CUBN: variants seen among roughly 807,000 people sequenced by gnomAD.
CUBN encodes cubilin, also known as 460 kDa receptor.
Under a neutral mutation model 405.3 loss-of-function variants are expected in CUBN, and 282 were observed. The ratio of observed to expected loss-of-function variants is 0.70; its 90% CI spans 0.63 to 0.77. The LOEUF is 0.77. Ranked by LOEUF, CUBN falls within the 30% of genes least tolerant of loss-of-function variation. The pLI, the probability that CUBN is intolerant of heterozygous loss-of-function variation, is 0.00. For missense variants in CUBN, 4,514 were observed against 4,475.2 expected (o/e 1.01, Z -0.25); for synonymous variants, 1,684 against 1,617.0 (o/e 1.04, Z -0.99).
chr10:17,052,523 G>A (rs545712341), intron 22 of CUBN, among the ~76,000 whole-genome samples: 40 of 150,492 alleles, frequency 2.7e-4, no homozygotes, highest in East Asian at 1.2e-3. Context: ...TTGGGAGGCC[G>A]AGGTGGGCAG....
At chr10:17,075,073 C>CTTTTCTTT (rs1564505109) in intron 17 of CUBN, among the ~76,000 whole-genome samples, 1 of 65,320 alleles carries the variant, frequency 1.5e-5, no homozygotes. Context: ...TCTTTGTTTT[C>CTTTTCTTT]TTTTTTTTTT....
intron 31 of CUBN, among the ~76,000 whole-genome samples, chr10:16,974,944 T>G (rs533974282): frequency 6.6e-6 from 1 of 152,374 alleles, no homozygotes; most frequent in East Asian, 1.9e-4. Flanking sequence ...GTATGTAATA[T>G]ATAAAACATA....
Position 16,954,529 on chromosome 10 carries a change from G to A in CUBN, c.4715C>T (p.Ser1572Phe), listed in dbSNP as rs1842999775. 1 of 1,613,596 alleles carries A rather than the reference G, an allele frequency of 6.2e-7. No homozygotes were observed. The highest frequency in any genetic ancestry group is 1.7e-5 in the Admixed American group (1 of 59,976). ...CGTCCTGGCAAGGCGGGACATTGTG[G>A]AGCTTAAGCCATCGTATGCCTACAA... ...SCIMAYDGLS[S>F]TMSRLARTCG... The change falls in exon 32 of 67, where the codon TCC (serine) becomes TTC (phenylalanine). Residue 1572 changes from serine (S) to phenylalanine (F), a missense_variant. Around this residue, in one of 5 missense-constraint regions of CUBN, gnomAD observed 1,613 missense variants for 1,542.8 expected, o/e 1.05. Coordinates refer to ENST00000377833, the MANE Select transcript of CUBN (RefSeq NM_001081.4).
intron 14 of CUBN, among the ~76,000 whole-genome samples, chr10:17,098,328 C>A (rs1836420944): frequency 6.6e-6 from 1 of 152,094 alleles, no homozygotes; most frequent in African/African-American, 2.4e-5. Flanking sequence ...TCCTGGCCCA[C>A]AAAATCAGAA....
intron 59 of CUBN, among the ~76,000 whole-genome samples, chr10:16,857,073 G>A (rs1839888964): frequency 6.6e-6 from 1 of 152,138 alleles, no homozygotes; most frequent in Non-Finnish European, 1.5e-5. Flanking sequence ...AACCTGTTTT[G>A]TCTTTTTCTC....
At chr10:17,011,934 C>G (rs1266524005) in intron 28 of CUBN, among the ~76,000 whole-genome samples, 1 of 152,136 alleles carries the variant, frequency 6.6e-6, no homozygotes, top group African/African-American at 2.4e-5. Context: ...ACCTCTTAAT[C>G]CCCCCTCTAA....
rs1021851751 is a variant in CUBN at position 16,899,161 on chromosome 10, A to G, written c.8433T>C (p.Ser2811=). 17 of 1,613,926 alleles carry G rather than the reference A, an allele frequency of 1.1e-5. No individual in the cohort carries two copies. Among genetic ancestry groups the G allele is most frequent in the Non-Finnish European group, 1.3e-5 (15 of 1,179,882 alleles). The part of the protein sequence containing the change: ...QTLGCGGIFH[S]DNGTIRSPHW... ...GAGGGGATCTGATTGTACCATTATC[A>G]GAATGAAATATTCCACCACAACCTG... The change falls in exon 54 of 67, where the codon TCT becomes TCC. Residue 2811 remains serine, a synonymous_variant. Coordinates refer to ENST00000377833, the MANE Select transcript of CUBN (RefSeq NM_001081.4).
At chr10:16,987,780 A>G (rs942016903) in intron 29 of CUBN, among the ~76,000 whole-genome samples, 2 of 152,224 alleles carry the variant, frequency 1.3e-5, no homozygotes, top group Non-Finnish European at 2.9e-5. Context: ...GCCCAATTTT[A>G]TTACAGCGTT....
At chr10:16,903,644 A>T (rs934894340) in intron 51 of CUBN, among the ~76,000 whole-genome samples, 16 of 147,348 alleles carry the variant, frequency 1.1e-4, no homozygotes, top group East Asian at 9.8e-4. Context: ...ATTAAATAAT[A>T]ATTATTATTA....
chr10:16,860,050 A>AG (rs1354556994), intron 59 of CUBN, among the ~76,000 whole-genome samples: 10 of 152,182 alleles, frequency 6.6e-5, no homozygotes, highest in Non-Finnish European at 1.3e-4. Context: ...AACAAGAGTC[A>AG]CAGGATGTAT....
intron 28 of CUBN, among the ~76,000 whole-genome samples, chr10:17,002,527 C>T (rs548679147): frequency 2.6e-5 from 4 of 151,918 alleles, no homozygotes; most frequent in Admixed American, 6.6e-5. Flanking sequence ...CAAACAGTGG[C>T]GACATGGGAA....
In CUBN at chr10:16,913,952, A is replaced by G. The variant is rs1214217851; in HGVS notation, c.7392T>C (p.Thr2464=). ...GATTTGGGTTCGGGTAGTTGGGAGAAGTAAATGTTCCAATAGAGCCCTGAA... is the reference window on the plus strand; with the variant it reads ...GATTTGGGTTCGGGTAGTTGGGAGAGGTAAATGTTCCAATAGAGCCCTGAA... The part of the protein sequence containing the change: ...GDLQGSIGTF[T]SPNYPNPNPH... Residue 2464 remains threonine (T), a synonymous_variant, in exon 48 of 67, where the codon ACT becomes ACC. Coordinates refer to ENST00000377833, the MANE Select transcript of CUBN (RefSeq NM_001081.4). 6.2e-7 allele frequency: 1 copy of G among 1,614,138 alleles called. No homozygotes were observed. The highest frequency in any genetic ancestry group is 1.1e-5 in the South Asian group (1 of 91,082).
At chr10:17,035,900 G>A (rs925063492) in intron 27 of CUBN, among the ~76,000 whole-genome samples, 1 of 151,918 alleles carries the variant, frequency 6.6e-6, no homozygotes, top group African/African-American at 2.4e-5. Flanking sequence ...TTAATACCTA[G>A]GTGATGAAAT....
chr10:17,056,568 C>T (rs2131832657), intron 22 of CUBN, among the ~76,000 whole-genome samples: 1 of 151,952 alleles, frequency 6.6e-6, no homozygotes, highest in Admixed American at 6.5e-5. Flanking sequence ...GAGATCGCAC[C>T]ACCGGACTCC....
chr10:16,915,300 C>T, intron 46 of CUBN, 128 bp from the exon 47 acceptor site: 3 of 1,108,492 alleles, frequency 2.7e-6, no homozygotes, highest in Non-Finnish European at 4.0e-6. Context: ...AAACGTTAAT[C>T]TCTGTCAAGA....
At chr10:16,863,808 T>C (rs1840085173) in intron 59 of CUBN, among the ~76,000 whole-genome samples, 1 of 152,216 alleles carries the variant, frequency 6.6e-6, no homozygotes, top group Non-Finnish European at 1.5e-5. Context: ...GTTTCCTTCT[T>C]TTTTATCCCC....
At chr10:17,125,786 C>T (rs2131327018) in intron 4 of CUBN, among the ~76,000 whole-genome samples, 1 of 152,234 alleles carries the variant, frequency 6.6e-6, no homozygotes, top group Middle Eastern at 3.4e-3. Flanking sequence ...ATAATGAAGC[C>T]CTCCAGGAGA....
chr10:17,016,030 A>G (rs1341316199), intron 28 of CUBN, among the ~76,000 whole-genome samples: 1 of 152,190 alleles, frequency 6.6e-6, no homozygotes, highest in Non-Finnish European at 1.5e-5. Context: ...GATTTTGTTC[A>G]GGACCCAGGG....
At chr10:16,998,779 GA>G (rs1036025955) in intron 28 of CUBN, among the ~76,000 whole-genome samples, 1 of 152,228 alleles carries the variant, frequency 6.6e-6, no homozygotes, top group Non-Finnish European at 1.5e-5. Flanking sequence ...AGATTTTCAT[GA>G]AAACAGAAAA....
Sources: gnomAD v4.1 joint callset for allele counts (sites outside exome capture counted in the v4.1 genomes callset) on GRCh38, gnomAD v4.1.1 for gene constraint, gnomAD v4.1.1 regional missense constraint, MANE v1.5 for transcripts, NCBI Gene and HGNC (gene_info 2026-07-23, HGNC 2026-07-21) for gene names.